The following ZNF136 variants were observed in gnomAD, a reference collection of about 807,000 sequenced individuals.
ZNF136 encodes the protein zinc finger protein 136, also known as zinc finger protein 136 (clone pHZ-20).
Under a neutral mutation model 11.4 loss-of-function variants are expected in ZNF136, and 8 were observed. That is an observed-to-expected ratio of 0.70 (90% confidence interval 0.41 to 1.27). The LOEUF is 1.27. ZNF136 is among the 50% of genes most tolerant of loss of function. The pLI, the probability that ZNF136 is intolerant of heterozygous loss-of-function variation, is 0.01. For missense variants in ZNF136, 590 were observed against 656.5 expected, an observed-to-expected ratio of 0.90 and a Z score of 1.11; for synonymous variants, 190 against 207.1, an observed-to-expected ratio of 0.92 and a Z score of 0.71.
At chr19:12,184,433 T>C (rs1376428913) in intron 1 of ZNF136, among the ~76,000 whole-genome samples, 1 of 151,402 alleles carries the variant, frequency 6.6e-6, no homozygotes, top group Non-Finnish European at 1.5e-5. Flanking sequence ...TGGTGGCAGG[T>C]GCCTGTAGTC....
rs928911741 is a variant in ZNF136 at position 12,174,588 on chromosome 19, A to G, written c.4-11197A>G. Among the ~76,000 whole-genome samples, 22 of 152,200 alleles carry G rather than the reference A, an allele frequency of 1.4e-4. 1 individual carries two copies. Reference sequence around the variant, plus strand: ...TATCTTAGTCATTTTTGCCTGCTGTAATAAATAACCACAGACTGGATGCCT... The same window carrying G: ...TATCTTAGTCATTTTTGCCTGCTGTGATAAATAACCACAGACTGGATGCCT... On this transcript the variant is annotated intron_variant, in intron 1 of 3. Coordinates refer to ENST00000343979, the MANE Select transcript of ZNF136 (RefSeq NM_003437.5).
In ZNF136 at chr19:12,187,289, G is replaced by C; in HGVS notation, c.911G>C (p.Gly304Ala). ...CGAATACATGAAAGAACCCATACTG[G>C]AGAGAAACCTTATGAATGCAAGCAG... The part of the protein sequence containing the change: ...TLRIHERTHT[G>A]EKPYECKQCG... Residue 304 changes from glycine (G) to alanine (A), a missense_variant, in exon 4 of 4, where the codon GGA becomes GCA. Transcript: ENST00000343979. 6.2e-7 allele frequency: 1 copy of C among 1,614,120 alleles called. No homozygotes were observed. The highest frequency in any genetic ancestry group is 8.5e-7 in the Non-Finnish European group (1 of 1,180,020).
intron 1 of ZNF136, among the ~76,000 whole-genome samples, chr19:12,166,775 T>C (rs1977192588): frequency 6.6e-6 from 1 of 152,210 alleles, no homozygotes. Flanking sequence ...CCATAAACAT[T>C]AAGATTGATT....
chr19:12,171,823 A>T (rs1914661327), intron 1 of ZNF136, among the ~76,000 whole-genome samples: 1 of 151,940 alleles, frequency 6.6e-6, no homozygotes, highest in Admixed American at 6.6e-5. Context: ...CTTGTAAGAG[A>T]ACATTCTAGA....
chr19:12,171,906 G>A (rs1914662831), intron 1 of ZNF136, among the ~76,000 whole-genome samples: 1 of 149,782 alleles, frequency 6.7e-6, no homozygotes. Flanking sequence ...CTGTCAAGTT[G>A]GAAAAAAAAT....
chr19:12,171,978 CTTT>C (rs57769136), intron 1 of ZNF136, among the ~76,000 whole-genome samples: 5 of 129,550 alleles, frequency 3.9e-5, no homozygotes, highest in Non-Finnish European at 5.2e-5. Flanking sequence ...CTCTCTCTCT[CTTT>C]TTTTTTTTTT....
At chr19:12,174,634 C>CT (rs1914743397) in intron 1 of ZNF136, among the ~76,000 whole-genome samples, 1 of 151,994 alleles carries the variant, frequency 6.6e-6, no homozygotes, top group Non-Finnish European at 1.5e-5. Context: ...GCATTAATTT[C>CT]TTTCTTTCTT....
rs1356245576 is a variant in ZNF136, at chr19:12,186,066, T to G, written c.131-48T>G. The G allele has an allele frequency of 1.9e-6, 3 of 1,592,276 alleles. No individual in the cohort carries two copies. The Admixed American group carries it at 5.4e-5, about 29-fold the overall frequency. On this transcript the variant is annotated intron_variant, in intron 2 of 3. Transcript: ENST00000343979. ...TCATGAACCTAGAATCTAATAATTT[T>G]TCTATAATTTTGCACTAATTCAGAA...
At chr19:12,184,037 C>A (rs1480286989) in intron 1 of ZNF136, among the ~76,000 whole-genome samples, 1 of 145,288 alleles carries the variant, frequency 6.9e-6, no homozygotes, top group African/African-American at 2.6e-5. Flanking sequence ...GAGGCCAAGG[C>A]TGGCAGATAC....
intron 1 of ZNF136, among the ~76,000 whole-genome samples, chr19:12,168,779 G>T (rs945133878): frequency 6.6e-6 from 1 of 151,836 alleles, no homozygotes; most frequent in East Asian, 1.9e-4. Flanking sequence ...GGGTTCAAGC[G>T]ATTCTCCTGC....
intron 1 of ZNF136, among the ~76,000 whole-genome samples, chr19:12,166,481 T>C (rs1269796051): frequency 6.6e-6 from 1 of 152,064 alleles, no homozygotes; most frequent in Non-Finnish European, 1.5e-5. Context: ...AGTAGATAAA[T>C]TGGGGAATTA....
chr19:12,169,482 A>C (rs1245515858), intron 1 of ZNF136: 2 of 152,242 alleles, frequency 1.3e-5, no homozygotes, highest in African/African-American at 4.8e-5. Flanking sequence ...ACATCTCCAC[A>C]GTGAGAGTGT....
At chr19:12,168,338 T>G (rs1914542937) in intron 1 of ZNF136, among the ~76,000 whole-genome samples, 1 of 151,944 alleles carries the variant, frequency 6.6e-6, no homozygotes, top group African/African-American at 2.4e-5. Flanking sequence ...CCTCCCAAAG[T>G]GCTGGGATTA....
At chr19:12,166,454 A>G (rs718717) in intron 1 of ZNF136, among the ~76,000 whole-genome samples, 28,896 of 151,986 alleles carry the variant, frequency 0.19, 3,431 homozygotes, top group African/African-American at 0.33. Flanking sequence ...AAATGAATAT[A>G]GTTTCCCAAG....
chr19:12,168,536 C>G (rs1312340843), intron 1 of ZNF136, among the ~76,000 whole-genome samples: 3 of 152,078 alleles, frequency 2.0e-5, no homozygotes, highest in Non-Finnish European at 2.9e-5. Flanking sequence ...GGGTCCTATA[C>G]TCCCTTCCCT....
intron 1 of ZNF136, among the ~76,000 whole-genome samples, chr19:12,181,526 GC>G (rs1331359797): frequency 4.7e-5 from 7 of 149,942 alleles, no homozygotes; most frequent in Admixed American, 6.7e-5. Context: ...AGGCTGGAAT[GC>G]AGTGGCGCAA....
chr19:12,178,479 T>C (rs1914853374), intron 1 of ZNF136, among the ~76,000 whole-genome samples: 1 of 152,212 alleles, frequency 6.6e-6, no homozygotes, highest in African/African-American at 2.4e-5. Flanking sequence ...TTAGGTTTGA[T>C]TGTATGTGAT....
chr19:12,168,057 CTTTTTTTTTTTTTTTT>C (rs386388563), intron 1 of ZNF136, among the ~76,000 whole-genome samples: 9 of 71,146 alleles, frequency 1.3e-4, no homozygotes, highest in Non-Finnish European at 1.7e-4. Flanking sequence ...TTTTCTTTTT[CTTTTTTTTTTTTTTTT>C]TTTTTTTTTT....
chr19:12,171,183 G>A (rs1170642230), intron 1 of ZNF136, among the ~76,000 whole-genome samples: 1 of 151,792 alleles, frequency 6.6e-6, no homozygotes, highest in African/African-American at 2.4e-5. Context: ...GTTTCACCAT[G>A]TTGGCCAGGA....
Sources: gnomAD v4.1 joint callset for allele counts (sites outside exome capture counted in the v4.1 genomes callset) on GRCh38, gnomAD v4.1.1 for gene constraint, MANE v1.5 for transcripts, NCBI Gene and HGNC (gene_info 2026-07-23, HGNC 2026-07-21) for gene names.